The following SAMD14 variants were observed in gnomAD, a reference collection of about 807,000 sequenced individuals.
SAMD14 encodes sterile alpha motif domain containing 14.
A neutral mutation model predicts 46.2 loss-of-function variants in SAMD14; 27 were observed. The ratio of observed to expected loss-of-function variants is 0.58; its 90% confidence interval spans 0.43 to 0.81. The LOEUF (loss-of-function observed/expected upper bound fraction) is 0.81. Ranked by LOEUF, SAMD14 falls within the 30% of genes least tolerant of loss-of-function variation. The pLI is 0.00. For missense variants in SAMD14, 559 were observed against 582.2 expected (o/e 0.96, Z 0.41); for synonymous variants, 241 against 254.3 (o/e 0.95, Z 0.50).
chr17:50,112,952 T>G lies in SAMD14; in HGVS notation c.1195A>C (p.Lys399Gln). The G allele has an allele frequency of 6.2e-7, 1 of 1,610,802 alleles. No individual in the cohort carries two copies. The highest frequency in any genetic ancestry group is 8.5e-7 in the Non-Finnish European group (1 of 1,179,968). The change falls in exon 10 of 10, where the codon AAG (lysine) becomes CAG (glutamine). Residue 399 changes from lysine to glutamine, a missense_variant. Transcript: ENST00000330175. ...AAEKERKAQE[K>Q]AARQREKLRR... The stretch of plus-strand genomic sequence containing the variant: ...AGCTTCTCCCGCTGCCGCGCAGCCT[T>G]CTCCTGGGCCTTGCGCTCCTTCTCG...
intron 2 of SAMD14, among the ~76,000 whole-genome samples, chr17:50,122,710 A>G (rs957274803): frequency 6.6e-6 from 1 of 152,166 alleles, no homozygotes. Context: ...ACTTCTTTAA[A>G]TATGGCAGCC....
At chr17:50,114,458 TAACTC>T (rs1911071143) in intron 7 of SAMD14, 152 bp from the exon 8 acceptor site, 2 of 1,606,374 alleles carry the variant, frequency 1.2e-6, no homozygotes, top group African/African-American at 1.3e-5. Context: ...CAGGACATGA[TAACTC>T]ATGTCAGGCA....
intron 1 of SAMD14, 76 bp from the exon 2 acceptor site, chr17:50,125,047 T>G: frequency 7.4e-7 from 1 of 1,346,960 alleles, no homozygotes; most frequent in Non-Finnish European, 1.1e-6. Context: ...GCAGAAGAGA[T>G]GTGGAAGGCT....
At chr17:50,119,825 G>T (rs1911415985) in intron 2 of SAMD14, among the ~76,000 whole-genome samples, 1 of 152,032 alleles carries the variant, frequency 6.6e-6, no homozygotes, top group Non-Finnish European at 1.5e-5. Context: ...TCCACCAGGG[G>T]TCTTCAGCCT....
chr17:50,122,503 T>G (rs907319075), intron 2 of SAMD14, among the ~76,000 whole-genome samples: 1 of 152,090 alleles, frequency 6.6e-6, no homozygotes, highest in African/African-American at 2.4e-5. Context: ...TCTAGTATGT[T>G]CCTTGTTTAT....
chr17:50,117,885 G>T, intron 3 of SAMD14, 190 bp from the exon 4 acceptor site: 2 of 677,860 alleles, frequency 3.0e-6, no homozygotes, highest in Non-Finnish European at 4.6e-6. Context: ...AGTCACACAG[G>T]CTGGGGCTGA....
intron 1 of SAMD14, among the ~76,000 whole-genome samples, chr17:50,127,373 C>T (rs902461566): frequency 6.6e-6 from 1 of 152,046 alleles, no homozygotes; most frequent in Non-Finnish European, 1.5e-5. Flanking sequence ...GAGGCCGAGG[C>T]GGGCAGATCA....
chr17:50,116,506 A>T (rs865989889), intron 4 of SAMD14, among the ~76,000 whole-genome samples: 5 of 151,078 alleles, frequency 3.3e-5, no homozygotes, highest in African/African-American at 1.2e-4. Flanking sequence ...CCCGGGTTCA[A>T]GCAATTCTCC....
intron 9 of SAMD14, chr17:50,113,261 G>T: frequency 1.7e-6 from 1 of 577,396 alleles, no homozygotes; most frequent in Admixed American, 3.2e-5. Context: ...TGAGGGTTGG[G>T]GGTATTAGGC....
Position 50,127,612 on chromosome 17 carries a change from A to C in SAMD14, c.-13+1905T>G, listed in dbSNP as rs937280189. Among the ~76,000 whole-genome samples, 8 of 151,840 alleles carry C rather than the reference A, an allele frequency of 5.3e-5. No individual in the cohort carries two copies. The East Asian group carries it at 5.8e-4, about 11-fold the overall frequency. On this transcript the variant is annotated intron_variant, in intron 1 of 9. Transcript: ENST00000330175. ...GCAAAACTCTGTCTCAAAAAAAAAA[A>C]CAAAAAACAAAACCACCTCCAGATT...
chr17:50,113,016 T>C lies in SAMD14; in HGVS notation c.1131A>G (p.Ala377=). ...TCTCCTTCAACTTGCGCTTCACCAGTGCCCGGTCATGAGAGTTGCTGAGCC... is the reference window on the plus strand; with the variant it reads ...TCTCCTTCAACTTGCGCTTCACCAGCGCCCGGTCATGAGAGTTGCTGAGCC... ...SLGLSNSHDR[A]LVKRKLKEMA... Residue 377 remains alanine, a synonymous_variant, in exon 10 of 10, where the codon GCA becomes GCG. Coordinates refer to ENST00000330175, the MANE Select transcript of SAMD14 (RefSeq NM_001257359.2). 1 of 1,612,534 alleles carries C rather than the reference T, an allele frequency of 6.2e-7. No homozygotes were observed. Among genetic ancestry groups the C allele is most frequent in the Non-Finnish European group, 8.5e-7 (1 of 1,179,970 alleles).
intron 4 of SAMD14, 56 bp from the exon 5 acceptor site, chr17:50,116,146 C>T (rs889836679): frequency 7.0e-6 from 11 of 1,564,490 alleles, no homozygotes; most frequent in Middle Eastern, 1.7e-4. Context: ...CTGCCTCCTT[C>T]GGCTGCCAGT....
chr17:50,123,373 G>T (rs1303046500), intron 2 of SAMD14, among the ~76,000 whole-genome samples: 2 of 152,204 alleles, frequency 1.3e-5, no homozygotes, highest in Non-Finnish European at 2.9e-5. Flanking sequence ...CTTTGGCCAA[G>T]GGGACAGAGG....
intron 2 of SAMD14, among the ~76,000 whole-genome samples, chr17:50,119,727 C>G (rs1911412988): frequency 6.6e-6 from 1 of 152,176 alleles, no homozygotes; most frequent in Non-Finnish European, 1.5e-5. Context: ...CCGAGTCAGA[C>G]AGCCCTAAGC....
chr17:50,124,761 A>ACGCG (rs868338823), intron 2 of SAMD14, among the ~76,000 whole-genome samples, 156 bp downstream of exon 2: 1,498 of 108,004 alleles, frequency 0.014, 12 homozygotes, highest in Admixed American at 0.039. Flanking sequence ...GCACGCGTGC[A>ACGCG]CGCGCGCGCG....
In SAMD14 at chr17:50,110,140, C is replaced by G. The variant is rs1238487106; in HGVS notation, c.*2753G>C. The G allele has an allele frequency of 6.5e-7, 1 of 1,539,246 alleles. No individual in the cohort carries two copies. Among genetic ancestry groups the G allele is most frequent in the Admixed American group, 1.9e-5 (1 of 53,740 alleles). On this transcript the variant is annotated 3_prime_UTR_variant, in exon 10 of 10. Transcript: ENST00000330175. ...CACCTGAGAGGACGGACTGCCGCCT[C>G]TGGGTCCCCCCACCGTGGTGCCCCT... is the stretch of plus-strand genomic sequence containing the variant.
intron 7 of SAMD14, 163 bp from the exon 8 acceptor site, chr17:50,114,469 A>G: frequency 6.3e-7 from 1 of 1,597,750 alleles, no homozygotes; most frequent in African/African-American, 1.3e-5. Flanking sequence ...AACTCATGTC[A>G]GGCATCAGGA....
At chr17:50,121,564 C>T (rs187164204) in intron 2 of SAMD14, among the ~76,000 whole-genome samples, 144 of 152,298 alleles carry the variant, frequency 9.5e-4, no homozygotes, top group Admixed American at 2.1e-3. Context: ...GTGATCTGCC[C>T]GCCTTGGCCT....
At chr17:50,118,130 GTGT>G (rs1567720541) in intron 3 of SAMD14, 28 bp downstream of exon 3, 2 of 1,553,486 alleles carry the variant, frequency 1.3e-6, no homozygotes, top group Non-Finnish European at 1.7e-6. Context: ...GGGTGGGAGG[GTGT>G]ATATGTGTTT....
Sources: allele counts gnomAD v4.1 joint callset (sites outside exome capture counted in the v4.1 genomes callset), GRCh38; gene constraint gnomAD v4.1.1; transcripts MANE v1.5; gene names NCBI Gene and HGNC (gene_info 2026-07-23, HGNC 2026-07-21).